The following CHRM3 variants were observed in gnomAD, a reference collection of about 807,000 sequenced individuals.
CHRM3 encodes the protein muscarinic acetylcholine receptor M3.
A neutral mutation model predicts 41.8 loss-of-function variants in CHRM3; 11 were observed. That is an observed-to-expected ratio of 0.26 (90% confidence interval 0.17 to 0.44). The LOEUF (loss-of-function observed/expected upper bound fraction) is 0.44, where lower values mean the gene tolerates loss of function less well. CHRM3 is among the 20% of genes least tolerant of loss of function. The pLI, the probability that CHRM3 is intolerant of heterozygous loss-of-function variation, is 1.00. For synonymous variants in CHRM3, 297 were observed against 301.4 expected, an observed-to-expected ratio of 0.99 and a Z score of 0.15; for missense variants, 571 against 745.4, an observed-to-expected ratio of 0.77 and a Z score of 2.72.
At chr1:239,718,071 C>T (rs545305637) in intron 5 of CHRM3, among the ~76,000 whole-genome samples, 8 of 152,068 alleles carry the variant, frequency 5.3e-5, no homozygotes, top group African/African-American at 1.9e-4. Flanking sequence ...TCAAAAAATG[C>T]CAAGAAAGAT....
At chr1:239,620,639 T>TA (rs1183718376) in intron 3 of CHRM3, among the ~76,000 whole-genome samples, 1 of 152,076 alleles carries the variant, frequency 6.6e-6, no homozygotes, top group African/African-American at 2.4e-5. Context: ...ATATAAATCA[T>TA]AATTTTAGGA....
At chr1:239,413,840 CG>C (rs761478544) in intron 1 of CHRM3, among the ~76,000 whole-genome samples, 9 of 151,024 alleles carry the variant, frequency 6.0e-5, no homozygotes, top group South Asian at 2.1e-4. Flanking sequence ...CATATGTGCA[CG>C]TTTTTTTAAA....
intron 4 of CHRM3, among the ~76,000 whole-genome samples, chr1:239,659,460 C>T (rs1332540594): frequency 6.6e-6 from 1 of 152,164 alleles, no homozygotes; most frequent in Non-Finnish European, 1.5e-5. Flanking sequence ...CTCTAGGCCC[C>T]CTTCTCTCAA....
At chr1:239,518,653 T>A (rs1669429984) in intron 2 of CHRM3, among the ~76,000 whole-genome samples, 1 of 152,208 alleles carries the variant, frequency 6.6e-6, no homozygotes, top group Non-Finnish European at 1.5e-5. Context: ...CCTAGTACTA[T>A]AATTAAGACA....
intron 5 of CHRM3, among the ~76,000 whole-genome samples, chr1:239,685,845 T>G (rs913861545): frequency 6.6e-6 from 1 of 150,582 alleles, no homozygotes; most frequent in Non-Finnish European, 1.5e-5. Context: ...AAACAAAAAA[T>G]AAGAACAAAA....
At chr1:239,620,522 G>C (rs995591864) in intron 3 of CHRM3, among the ~76,000 whole-genome samples, 2 of 152,130 alleles carry the variant, frequency 1.3e-5, no homozygotes, top group Non-Finnish European at 2.9e-5. Context: ...GGGAGAGAGA[G>C]AGAATATCCA....
intron 5 of CHRM3, among the ~76,000 whole-genome samples, chr1:239,787,204 T>C (rs1168897460): frequency 1.3e-5 from 2 of 152,170 alleles, no homozygotes; most frequent in East Asian, 1.9e-4. Flanking sequence ...ATTTCTGAAG[T>C]CTGCAATGCC....
At chr1:239,388,328 T>C (rs1450428337) in intron 1 of CHRM3, among the ~76,000 whole-genome samples, 1 of 152,212 alleles carries the variant, frequency 6.6e-6, no homozygotes, top group African/African-American at 2.4e-5. Context: ...CACTGGTTAT[T>C]TCACCATATG....
At chr1:239,724,940 C>T (rs565923099) in intron 5 of CHRM3, among the ~76,000 whole-genome samples, 1 of 151,984 alleles carries the variant, frequency 6.6e-6, no homozygotes, top group African/African-American at 2.4e-5. Context: ...TCATGACCCA[C>T]CCCACCATGC....
intron 6 of CHRM3, among the ~76,000 whole-genome samples, chr1:239,870,657 C>T (rs1006508957): frequency 2.6e-5 from 4 of 152,120 alleles, no homozygotes; most frequent in African/African-American, 4.8e-5. Flanking sequence ...CTCTATGTTC[C>T]GTGCTGGGCA....
chr1:239,691,282 A>G (rs914255143), intron 5 of CHRM3, among the ~76,000 whole-genome samples: 2 of 152,162 alleles, frequency 1.3e-5, no homozygotes, highest in Non-Finnish European at 2.9e-5. Flanking sequence ...AGATACTGGT[A>G]AGTGCAGTGA....
chr1:239,581,814 G>C (rs1489988656), intron 3 of CHRM3, among the ~76,000 whole-genome samples: 1 of 152,148 alleles, frequency 6.6e-6, no homozygotes, highest in Non-Finnish European at 1.5e-5. Flanking sequence ...TAAGCTGCCT[G>C]AGTCTAAAGC....
At chr1:239,698,140 A>C (rs904835672) in intron 5 of CHRM3, among the ~76,000 whole-genome samples, 1 of 152,204 alleles carries the variant, frequency 6.6e-6, no homozygotes, top group Non-Finnish European at 1.5e-5. Flanking sequence ...GTTTTCTAAA[A>C]ACAGGCATTA....
At chr1:239,672,549 CTCTT>C (rs987357907) in intron 4 of CHRM3, among the ~76,000 whole-genome samples, 11 of 151,864 alleles carry the variant, frequency 7.2e-5, no homozygotes, top group African/African-American at 2.7e-4. Context: ...GAGACACAGA[CTCTT>C]TCTTCTGTTC....
intron 6 of CHRM3, among the ~76,000 whole-genome samples, chr1:239,866,052 G>A (rs113267855): frequency 5.9e-5 from 9 of 152,166 alleles, no homozygotes; most frequent in Admixed American, 1.3e-4. Context: ...CCTATTTTAC[G>A]GATGGGAAAA....
At chr1:239,603,365 A>G (rs145542789) in intron 3 of CHRM3, among the ~76,000 whole-genome samples, 1 of 152,172 alleles carries the variant, frequency 6.6e-6, no homozygotes, top group Non-Finnish European at 1.5e-5. Context: ...AAAATATCTA[A>G]GTTTTTCTGA....
chr1:239,695,201 G>A (rs1411187770), intron 5 of CHRM3, among the ~76,000 whole-genome samples: 3 of 152,064 alleles, frequency 2.0e-5, no homozygotes, highest in Non-Finnish European at 4.4e-5. Context: ...TAGTAGAGAC[G>A]GGGTTTCACC....
intron 2 of CHRM3, among the ~76,000 whole-genome samples, chr1:239,524,116 G>GA (rs1669836306): frequency 1.3e-5 from 2 of 151,990 alleles, no homozygotes; most frequent in Non-Finnish European, 2.9e-5. Flanking sequence ...TAACACTTTT[G>GA]AAAACCCCAT....
At chr1:239,665,234 C>T (rs1287132808) in intron 4 of CHRM3, among the ~76,000 whole-genome samples, 3 of 150,752 alleles carry the variant, frequency 2.0e-5, no homozygotes, top group Non-Finnish European at 4.4e-5. Context: ...TTCAAAAAGA[C>T]GTTGAGCGCC....
Sources: gnomAD v4.1 joint callset for allele counts (sites outside exome capture counted in the v4.1 genomes callset) on GRCh38, gnomAD v4.1.1 for gene constraint, MANE v1.5 for transcripts, NCBI Gene and HGNC (gene_info 2026-07-23, HGNC 2026-07-21) for gene names.